The following TOM1L2 variants were observed in gnomAD, a reference collection of about 807,000 sequenced individuals.
The protein encoded by TOM1L2 is target of myb1 like 2 membrane trafficking protein, also known as TOM1-like protein 2.
A neutral mutation model predicts 67.9 loss-of-function variants in TOM1L2; 31 were observed. The ratio of observed to expected loss-of-function variants is 0.46; its 90% CI spans 0.34 to 0.62. The LOEUF is 0.62. TOM1L2 is among the 20% of genes least tolerant of loss of function. The pLI is 0.01. For missense variants in TOM1L2, 606 were observed against 663.5 expected, an observed-to-expected ratio of 0.91 and a Z score of 0.95; for synonymous variants, 256 against 254.0, an observed-to-expected ratio of 1.01 and a Z score of -0.07.
chr17:17,855,703 A>C (rs1436882315), intron 12 of TOM1L2, among the ~76,000 whole-genome samples: 3 of 152,204 alleles, frequency 2.0e-5, no homozygotes, highest in Non-Finnish European at 4.4e-5. Context: ...CCCCATGCCC[A>C]CAAGGAAACC....
intron 1 of TOM1L2, among the ~76,000 whole-genome samples, chr17:17,940,014 G>C (rs1376375843): frequency 6.6e-6 from 1 of 151,836 alleles, no homozygotes. Context: ...CCAACATGGT[G>C]AAACCTCATC....
chr17:17,957,287 T>G (rs1198673525), intron 1 of TOM1L2, among the ~76,000 whole-genome samples: 1 of 152,242 alleles, frequency 6.6e-6, no homozygotes, highest in Non-Finnish European at 1.5e-5. Flanking sequence ...TTATACAGCC[T>G]TTCAAAATGG....
At chr17:17,917,319 G>A (rs1195059479) in intron 1 of TOM1L2, among the ~76,000 whole-genome samples, 3 of 151,618 alleles carry the variant, frequency 2.0e-5, no homozygotes, top group African/African-American at 7.3e-5. Flanking sequence ...GGGCGACAGA[G>A]CAAGACCCCA....
intron 3 of TOM1L2, among the ~76,000 whole-genome samples, chr17:17,896,977 T>C (rs1357835800): frequency 6.6e-6 from 1 of 152,048 alleles, no homozygotes. Flanking sequence ...GCCCTGCGCA[T>C]TTCACAGGCC....
intron 1 of TOM1L2, among the ~76,000 whole-genome samples, chr17:17,938,447 C>T (rs954185941): frequency 1.3e-5 from 2 of 152,080 alleles, no homozygotes; most frequent in African/African-American, 2.4e-5. Context: ...ACAACAGTCC[C>T]GCTCTGACTA....
At chr17:17,921,075 C>G (rs1161214803) in intron 1 of TOM1L2, among the ~76,000 whole-genome samples, 1 of 152,196 alleles carries the variant, frequency 6.6e-6, no homozygotes, top group Non-Finnish European at 1.5e-5. Flanking sequence ...TGATCCGATC[C>G]AGAATACCAC....
At chr17:17,954,294 C>A (rs1304947890) in intron 1 of TOM1L2, among the ~76,000 whole-genome samples, 1 of 150,356 alleles carries the variant, frequency 6.7e-6, no homozygotes, top group African/African-American at 2.5e-5. Flanking sequence ...GAACACCAGG[C>A]TACATTTATA....
At chr17:17,877,639 C>T (rs948322027) in intron 7 of TOM1L2, among the ~76,000 whole-genome samples, 2 of 152,138 alleles carry the variant, frequency 1.3e-5, no homozygotes, top group African/African-American at 2.4e-5. Flanking sequence ...TGTCTGTTCA[C>T]GGCTGTCCAC....
rs769042139 is a variant in TOM1L2, at chr17:17,847,816, G to C, written c.1376-33C>G. ...ACAAACCAAGGCAAGGGTCAGGGTT[G>C]GTGAGGGCAGGCCACCAGAGGAAGC... On this transcript the variant is annotated intron_variant, in intron 14 of 14. Coordinates refer to ENST00000379504, the MANE Select transcript of TOM1L2 (RefSeq NM_001082968.2). 1.9e-6 allele frequency: 3 copies of C among 1,613,258 alleles called. No homozygotes were observed. The Admixed American group carries it at 5.0e-5, about 27-fold the overall frequency.
intron 1 of TOM1L2, among the ~76,000 whole-genome samples, chr17:17,910,121 T>G (rs1207870286): frequency 1.3e-5 from 2 of 152,178 alleles, no homozygotes; most frequent in Non-Finnish European, 2.9e-5. Flanking sequence ...AAATTATACA[T>G]AGGTCAATGG....
At chr17:17,890,402 T>C (rs1371326745) in intron 4 of TOM1L2, among the ~76,000 whole-genome samples, 2 of 152,130 alleles carry the variant, frequency 1.3e-5, no homozygotes, top group African/African-American at 4.8e-5. Flanking sequence ...CTTTCACATA[T>C]TCAACTTAAT....
At chr17:17,905,052 G>C (rs1338558959) in intron 2 of TOM1L2, among the ~76,000 whole-genome samples, 3 of 152,212 alleles carry the variant, frequency 2.0e-5, no homozygotes, top group African/African-American at 7.2e-5. Flanking sequence ...AAGTGAATGA[G>C]TGGCATGTTA....
intron 1 of TOM1L2, among the ~76,000 whole-genome samples, chr17:17,950,513 C>G (rs976748503): frequency 1.3e-5 from 2 of 151,916 alleles, no homozygotes; most frequent in African/African-American, 2.4e-5. Flanking sequence ...AGGCCGGCCT[C>G]AAGCTCCTGG....
intron 1 of TOM1L2, among the ~76,000 whole-genome samples, chr17:17,942,404 A>C (rs565491796): frequency 5.3e-5 from 8 of 152,334 alleles, no homozygotes; most frequent in African/African-American, 1.9e-4. Flanking sequence ...CCTGGCTTTA[A>C]CCCTCAATCA....
chr17:17,894,651 C>T (rs2038461746), intron 3 of TOM1L2, among the ~76,000 whole-genome samples: 1 of 152,240 alleles, frequency 6.6e-6, no homozygotes, highest in African/African-American at 2.4e-5. Context: ...AAAGCATAGG[C>T]CGGGCATAGT....
At position 17,928,208 on chromosome 17, in the gene TOM1L2, G is replaced by A. The variant is rs528937046; in HGVS notation, c.53-20677C>T. 6.6e-5 allele frequency among the ~76,000 whole-genome samples: 10 copies of A among 151,972 alleles called. No homozygotes were observed. In the Middle Eastern group the frequency reaches 0.01, roughly 155 times the overall value. On this transcript the variant is annotated intron_variant, in intron 1 of 14. Coordinates refer to ENST00000379504, the MANE Select transcript of TOM1L2 (RefSeq NM_001082968.2). Reference sequence around the variant, plus strand: ...ATAAAACCATTCATAACTTTGACCCGGCAATAGCCCCCTAAGGAAATAAAT... The same window carrying A: ...ATAAAACCATTCATAACTTTGACCCAGCAATAGCCCCCTAAGGAAATAAAT...
intron 11 of TOM1L2, chr17:17,862,476 A>G: frequency 2.5e-6 from 1 of 406,868 alleles, no homozygotes. Flanking sequence ...GTCTCTTACA[A>G]CTGACAGGAG....
chr17:17,875,545 C>T (rs181590691), intron 7 of TOM1L2, among the ~76,000 whole-genome samples: 140 of 152,350 alleles, frequency 9.2e-4, no homozygotes, highest in Non-Finnish European at 1.7e-3. Flanking sequence ...ATTTCCTAAA[C>T]GCTGACGACT....
intron 3 of TOM1L2, 126 bp downstream of exon 3, chr17:17,898,470 T>A (rs1344997220): frequency 7.0e-5 from 65 of 926,122 alleles, no homozygotes; most frequent in East Asian, 4.8e-5. Flanking sequence ...TGGACTCCAG[T>A]GGCCCAGGCA....
Sources: gnomAD v4.1 joint callset for allele counts (sites outside exome capture counted in the v4.1 genomes callset) on GRCh38, gnomAD v4.1.1 for gene constraint, MANE v1.5 for transcripts, NCBI Gene and HGNC (gene_info 2026-07-23, HGNC 2026-07-21) for gene names.